Variants in SYNE1 observed in about 807,000 individuals in gnomAD.
The protein encoded by SYNE1 is spectrin repeat containing nuclear envelope protein 1, also known as nesprin-1.
Under a neutral mutation model 1,111.0 loss-of-function variants are expected in SYNE1, and 616 were observed. The ratio of observed to expected loss-of-function variants is 0.55; its 90% CI spans 0.52 to 0.59. SYNE1 has a LOEUF of 0.59. SYNE1 is among the 20% of genes least tolerant of loss of function. The pLI, the probability that SYNE1 is intolerant of heterozygous loss-of-function variation, is 0.00. For synonymous variants in SYNE1, 3,855 were observed against 3,825.8 expected, an observed-to-expected ratio of 1.01 and a Z score of -0.28; for missense variants, 10,006 against 10,417.0, an observed-to-expected ratio of 0.96 and a Z score of 1.72.
At chr6:152,236,351 G>T (rs368501486) in intron 109 of SYNE1, 48 bp from the exon 110 acceptor site, 8 of 1,398,874 alleles carry the variant, frequency 5.7e-6, no homozygotes, top group African/African-American at 1.4e-5. Context: ...TGCAATTTTT[G>T]TCTTTAAGAA....
At chr6:152,297,417 G>A (rs966287080) in intron 93 of SYNE1, among the ~76,000 whole-genome samples, 6 of 151,958 alleles carry the variant, frequency 3.9e-5, no homozygotes, top group Admixed American at 2.0e-4. Flanking sequence ...TACTGCCCTC[G>A]GCCACACTAC....
At chr6:152,350,801 G>T (rs1267107648) in intron 70 of SYNE1, 31 bp from the exon 71 acceptor site, 1 of 1,613,538 alleles carries the variant, frequency 6.2e-7, no homozygotes, top group Non-Finnish European at 8.5e-7. Flanking sequence ...AAATGAGCCT[G>T]CTCATCTCCG....
rs143127320 is a variant in SYNE1 at position 152,215,854 on chromosome 6, T to C, written c.22192-794A>G. On this transcript the variant is annotated intron_variant, in intron 121 of 145. Transcript: ENST00000367255. ...ATGGAAGAGGGTAAACGAACCTCCT[T>C]GGGTTCTTGCTAGAGAAAATAAGAT... Among the ~76,000 whole-genome samples the C allele has an allele frequency of 4.2e-3, 633 of 152,320 alleles. 4 individuals are homozygous for C. Among genetic ancestry groups the C allele is most frequent in the African/African-American group, 0.014 (597 of 41,578 alleles).
intron 120 of SYNE1, among the ~76,000 whole-genome samples, chr6:152,218,767 G>A (rs1479939975): frequency 6.6e-6 from 1 of 152,164 alleles, no homozygotes; most frequent in African/African-American, 2.4e-5. Context: ...GGCCATGGTG[G>A]CAGGCATTGG....
chr6:152,615,500 C>A (rs1271361316), intron 3 of SYNE1, among the ~76,000 whole-genome samples: 2 of 151,820 alleles, frequency 1.3e-5, no homozygotes, highest in Non-Finnish European at 2.9e-5. Context: ...AAATAACATT[C>A]CTTCTTTGAT....
chr6:152,364,201 C>T (rs570460357), intron 63 of SYNE1, among the ~76,000 whole-genome samples: 30 of 152,250 alleles, frequency 2.0e-4, no homozygotes, highest in African/African-American at 5.1e-4. Context: ...CTTCCCCTTC[C>T]GCCACGATTG....
chr6:152,275,661 C>A lies in SYNE1; in HGVS notation c.18573+2428G>T, dbSNP rs145168974. On this transcript the variant is annotated intron_variant, in intron 98 of 145. Coordinates refer to ENST00000367255, the MANE Select transcript of SYNE1 (RefSeq NM_182961.4). ...TTGGGAGGCTGAGGTGGGTGGATTG[C>A]CTGTGCTCAGGAGTTGAAGACCAGC... Among the ~76,000 whole-genome samples the A allele has an allele frequency of 1.8e-3, 279 of 152,096 alleles. 1 individual carries two copies. Among genetic ancestry groups the A allele is most frequent in the African/African-American group, 6.4e-3 (265 of 41,476 alleles).
At chr6:152,510,462 A>C in intron 7 of SYNE1, 91 bp from the exon 8 acceptor site, 1 of 1,420,514 alleles carries the variant, frequency 7.0e-7, no homozygotes, top group South Asian at 1.2e-5. Flanking sequence ...CAAATGAGTT[A>C]TGTTAACACT....
intron 93 of SYNE1, among the ~76,000 whole-genome samples, chr6:152,296,873 G>T (rs1164531411): frequency 6.6e-6 from 1 of 152,086 alleles, no homozygotes; most frequent in Non-Finnish European, 1.5e-5. Context: ...GTCCCTCCTG[G>T]CCTCTGTAGT....
rs2098603558 is a variant in SYNE1 at position 152,447,587 on chromosome 6, G to C, written c.3540C>G (p.Thr1180=). 1.2e-6 allele frequency: 2 copies of C among 1,614,138 alleles called. No individual in the cohort carries two copies. The highest frequency in any genetic ancestry group is 2.2e-5 in the South Asian group (2 of 91,072). The change falls in exon 29 of 146, where the codon ACC becomes ACG. Residue 1180 remains threonine, a synonymous_variant. Transcript: ENST00000367255. ...TCAGCCTGGATTTCAGCCAGCTGAGGGTCTCACCCCTTTTGGTAACACCAT... is the reference window on the plus strand; with the variant it reads ...TCAGCCTGGATTTCAGCCAGCTGAGCGTCTCACCCCTTTTGGTAACACCAT... ...IRNGVTKRGE[T]LSWLKSRLKV...
In SYNE1 at chr6:152,364,973, A is replaced by C. The variant is rs1176199818; in HGVS notation, c.10019T>G (p.Ile3340Arg). The part of the protein sequence containing the change: ...KQEKEIQMKM[I>R]VTRGESVLQN... ...AAGGACAGATTCTCCCCTGGTCACT[A>C]TCATTTTCATCTGAATCTCTTTTTC... is the stretch of plus-strand genomic sequence containing the variant. The change falls in exon 63 of 146, where the codon ATA (isoleucine) becomes AGA (arginine). Residue 3340 changes from isoleucine (I) to arginine (R), a missense_variant. This residue lies in a region of SYNE1 where 4,955 missense variants were observed against 5,017.2 expected (regional missense o/e 0.99). Coordinates refer to ENST00000367255, the MANE Select transcript of SYNE1 (RefSeq NM_182961.4). The C allele has an allele frequency of 1.2e-6, 2 of 1,614,220 alleles. No homozygotes were observed. The highest frequency in any genetic ancestry group is 2.2e-5 in the South Asian group (2 of 91,084).
intron 3 of SYNE1, among the ~76,000 whole-genome samples, chr6:152,574,369 C>T (rs2099487907): frequency 6.6e-6 from 1 of 152,054 alleles, no homozygotes; most frequent in African/African-American, 2.4e-5. Flanking sequence ...TCTGCAAAGG[C>T]ATCCCCAAGC....
At chr6:152,166,022 A>G (rs922187873) in intron 130 of SYNE1, among the ~76,000 whole-genome samples, 1 of 152,232 alleles carries the variant, frequency 6.6e-6, no homozygotes, top group African/African-American at 2.4e-5. Context: ...TTACATCTGT[A>G]GGAATGTCTT....
At chr6:152,125,445 G>A in intron 145 of SYNE1, 1 of 1,413,226 alleles carries the variant, frequency 7.1e-7, no homozygotes, top group South Asian at 1.5e-5. Context: ...ATGACCATGG[G>A]CAAGTAAATT....
At chr6:152,272,314 T>C (rs1357675245) in intron 98 of SYNE1, among the ~76,000 whole-genome samples, 1 of 152,192 alleles carries the variant, frequency 6.6e-6, no homozygotes, top group African/African-American at 2.4e-5. Context: ...TTTTCTGCCA[T>C]GCCTAGGGAA....
intron 41 of SYNE1, among the ~76,000 whole-genome samples, chr6:152,416,135 G>T (rs2098151384): frequency 6.6e-6 from 1 of 152,192 alleles, no homozygotes; most frequent in African/African-American, 2.4e-5. Flanking sequence ...CTTTACCTAA[G>T]ACAAGGTGAA....
At chr6:152,186,868 G>A (rs982559949) in intron 128 of SYNE1, among the ~76,000 whole-genome samples, 7 of 152,100 alleles carry the variant, frequency 4.6e-5, no homozygotes, top group Non-Finnish European at 7.4e-5. Flanking sequence ...GCTCACAAAC[G>A]TAACTGAAGG....
intron 3 of SYNE1, among the ~76,000 whole-genome samples, chr6:152,614,370 A>G (rs2099640219): frequency 6.6e-6 from 1 of 152,252 alleles, no homozygotes; most frequent in Non-Finnish European, 1.5e-5. Flanking sequence ...CAGCCAACAG[A>G]CACATGAAAA....
rs573400245 is a variant in SYNE1, at chr6:152,238,088, C to G, written c.20068-1140G>C. Among the ~76,000 whole-genome samples, 7 of 152,180 alleles carry G rather than the reference C, an allele frequency of 4.6e-5. No individual in the cohort carries two copies. In the East Asian group the frequency reaches 1.4e-3, roughly 29 times the overall value. ...CAGGCAATCAATAATAAACAATAAACCAAAAACAAACAATAAGTTGTATGG... is the reference window on the plus strand; with the variant it reads ...CAGGCAATCAATAATAAACAATAAAGCAAAAACAAACAATAAGTTGTATGG... On this transcript the variant is annotated intron_variant, in intron 108 of 145. Transcript: ENST00000367255.
Sources: allele counts gnomAD v4.1 joint callset (sites outside exome capture counted in the v4.1 genomes callset), GRCh38; gene constraint gnomAD v4.1.1; regional missense constraint gnomAD v4.1.1; transcripts MANE v1.5; gene names NCBI Gene and HGNC (gene_info 2026-07-23, HGNC 2026-07-21).